Variants in UBTD1 observed in about 807,000 individuals in gnomAD.
UBTD1 encodes ubiquitin domain-containing protein 1.
UBTD1 carries 19 observed loss-of-function variants against 21.7 expected under a neutral mutation model. The ratio of observed to expected loss-of-function variants is 0.87; its 90% CI spans 0.61 to 1.28. The LOEUF is 1.28. UBTD1 is among the 50% of genes most tolerant of loss of function. UBTD1 has a pLI of 0.00. For synonymous variants in UBTD1, 116 were observed against 135.1 expected, an observed-to-expected ratio of 0.86 and a Z score of 0.98; for missense variants, 282 against 315.1, an observed-to-expected ratio of 0.89 and a Z score of 0.80.
intron 1 of UBTD1, among the ~76,000 whole-genome samples, chr10:97,545,031 C>T (rs1346362314): frequency 6.6e-6 from 1 of 151,824 alleles, no homozygotes; most frequent in Non-Finnish European, 1.5e-5. Flanking sequence ...CGTATGATGA[C>T]AGTAATAAGT....
At chr10:97,517,828 G>T (rs986281395) in intron 1 of UBTD1, among the ~76,000 whole-genome samples, 16 of 152,120 alleles carry the variant, frequency 1.1e-4, no homozygotes, top group African/African-American at 3.9e-4. Flanking sequence ...ATAGGCCTAG[G>T]ATCCCTTCAC....
chr10:97,500,501 C>T (rs561989350), intron 1 of UBTD1, among the ~76,000 whole-genome samples: 46 of 152,356 alleles, frequency 3.0e-4, no homozygotes, highest in African/African-American at 1.1e-3. Flanking sequence ...GGCCATTCTT[C>T]TGGCTGAGGA....
chr10:97,531,897 A>G (rs1402414538), intron 1 of UBTD1, among the ~76,000 whole-genome samples: 1 of 152,346 alleles, frequency 6.6e-6, no homozygotes, highest in East Asian at 1.9e-4. Flanking sequence ...ATTTACCACC[A>G]GGAGGTAGTC....
rs377348915 is a variant in UBTD1 at position 97,555,177 on chromosome 10, A to T, written c.71-12737A>T. ...GGATCCCTGAGGGAGTCACTGTATA[A>T]TGATTGTGACTCCTGGTGGATCAAA... On this transcript the variant is annotated intron_variant, in intron 1 of 2. Coordinates refer to ENST00000370664, the MANE Select transcript of UBTD1 (RefSeq NM_024954.5). 4.6e-5 allele frequency among the ~76,000 whole-genome samples: 7 copies of T among 152,324 alleles called. No individual in the cohort carries two copies. In the South Asian group the frequency reaches 1.5e-3, roughly 32 times the overall value.
intron 1 of UBTD1, among the ~76,000 whole-genome samples, chr10:97,516,990 G>A (rs1164755684): frequency 6.6e-6 from 1 of 152,100 alleles, no homozygotes; most frequent in Non-Finnish European, 1.5e-5. Context: ...GGGAGCCTGT[G>A]ACCAGGGAGA....
chr10:97,534,227 T>C (rs2040548064), intron 1 of UBTD1, among the ~76,000 whole-genome samples: 1 of 152,220 alleles, frequency 6.6e-6, no homozygotes, highest in Admixed American at 6.5e-5. Flanking sequence ...CCACCTCCCA[T>C]GTGGTCCACT....
chr10:97,554,899 T>G (rs2040657107), intron 1 of UBTD1, among the ~76,000 whole-genome samples: 1 of 152,200 alleles, frequency 6.6e-6, no homozygotes, highest in African/African-American at 2.4e-5. Context: ...CTCTTTCTTC[T>G]GTGGGAAGCC....
In UBTD1 at chr10:97,499,136, G is replaced by C; in HGVS notation, c.-68G>C. On this transcript the variant is annotated 5_prime_UTR_variant, in exon 1 of 3. Coordinates refer to ENST00000370664, the MANE Select transcript of UBTD1 (RefSeq NM_024954.5). The stretch of plus-strand genomic sequence containing the variant: ...GCGGCCGGAGCCATTGACCCGGGAC[G>C]CCGCCGTCCGCTGAGCAGCCGACCA... The C allele has an allele frequency of 6.8e-7, 1 of 1,465,988 alleles. No homozygotes were observed. The highest frequency in any genetic ancestry group is 9.1e-7 in the Non-Finnish European group (1 of 1,100,666). The allele number at this position is 1,465,988 out of a possible 1,614,324, so 90.8% of individuals were successfully genotyped here.
At chr10:97,516,009 A>AG (rs2040442665) in intron 1 of UBTD1, among the ~76,000 whole-genome samples, 1 of 152,242 alleles carries the variant, frequency 6.6e-6, no homozygotes, top group African/African-American at 2.4e-5. Context: ...TGGAACATTT[A>AG]ATAGCCACAT....
intron 1 of UBTD1, among the ~76,000 whole-genome samples, chr10:97,532,273 T>C (rs1311863538): frequency 6.6e-6 from 1 of 152,244 alleles, no homozygotes; most frequent in Non-Finnish European, 1.5e-5. Context: ...TGCTGTTTCA[T>C]GCCATCTTCC....
intron 1 of UBTD1, among the ~76,000 whole-genome samples, chr10:97,512,399 T>G (rs1036201289): frequency 6.6e-6 from 1 of 152,216 alleles, no homozygotes; most frequent in African/African-American, 2.4e-5. Flanking sequence ...AGAGCTCATT[T>G]AGGTCTGGCT....
chr10:97,551,152 A>G (rs1028507253), intron 1 of UBTD1, among the ~76,000 whole-genome samples: 3 of 152,098 alleles, frequency 2.0e-5, no homozygotes, highest in Non-Finnish European at 4.4e-5. Flanking sequence ...TTGAACCAGC[A>G]CCCCAGGAGA....
intron 1 of UBTD1, among the ~76,000 whole-genome samples, chr10:97,504,209 T>G (rs1002623002): frequency 1.3e-5 from 2 of 152,184 alleles, no homozygotes; most frequent in African/African-American, 2.4e-5. Flanking sequence ...ACCACTGGCC[T>G]GTGAACTCAC....
intron 1 of UBTD1, among the ~76,000 whole-genome samples, chr10:97,528,146 C>A (rs1157768191): frequency 7.8e-6 from 1 of 127,486 alleles, no homozygotes; most frequent in Non-Finnish European, 1.8e-5. Flanking sequence ...CACCTCCCTC[C>A]CGGACGGGGC....
intron 1 of UBTD1, among the ~76,000 whole-genome samples, chr10:97,558,762 T>C (rs1209335866): frequency 2.6e-5 from 4 of 152,208 alleles, no homozygotes; most frequent in African/African-American, 9.7e-5. Context: ...TTTTAACTAT[T>C]TGATTTTAAG....
At chr10:97,508,148 G>A (rs1223449573) in intron 1 of UBTD1, among the ~76,000 whole-genome samples, 2 of 152,212 alleles carry the variant, frequency 1.3e-5, no homozygotes, top group Non-Finnish European at 2.9e-5. Flanking sequence ...CCTTTTCACA[G>A]ATGAAGAAGC....
chr10:97,568,181 A>G, intron 2 of UBTD1, 40 bp downstream of exon 2: 1 of 1,602,666 alleles, frequency 6.2e-7, no homozygotes. Flanking sequence ...CGCTGGAGCT[A>G]GGGGGTCACC....
At chr10:97,522,493 T>C (rs961211176) in intron 1 of UBTD1, among the ~76,000 whole-genome samples, 2 of 152,196 alleles carry the variant, frequency 1.3e-5, no homozygotes, top group African/African-American at 4.8e-5. Flanking sequence ...GGGGTTTGAA[T>C]TGGGTGACTT....
At chr10:97,545,408 G>GTGTGTA (rs1330440202) in intron 1 of UBTD1, among the ~76,000 whole-genome samples, 2 of 71,346 alleles carry the variant, frequency 2.8e-5, no homozygotes, top group Non-Finnish European at 5.4e-5. Context: ...GTGTGTGTGT[G>GTGTGTA]TGGGTGTGGG....
Sources: gnomAD v4.1 joint callset for allele counts (sites outside exome capture counted in the v4.1 genomes callset) on GRCh38, gnomAD v4.1.1 for gene constraint, MANE v1.5 for transcripts, NCBI Gene and HGNC (gene_info 2026-07-23, HGNC 2026-07-21) for gene names.